TMEM131: variants seen among roughly 807,000 people sequenced by gnomAD.
TMEM131 encodes the protein transmembrane protein 131.
In TMEM131, 66 loss-of-function variants were observed where a neutral mutation model predicts 211.6. The ratio of observed to expected loss-of-function variants is 0.31; its 90% CI spans 0.26 to 0.38. The LOEUF (loss-of-function observed/expected upper bound fraction) is 0.38. Among genes scored for constraint, TMEM131 ranks in the 10% least tolerant of loss-of-function variants. The pLI is 1.00. For synonymous variants in TMEM131, 844 were observed against 841.3 expected, an observed-to-expected ratio of 1.00 and a Z score of -0.06; for missense variants, 2,036 against 2,299.3, an observed-to-expected ratio of 0.89 and a Z score of 2.34.
rs372261829 is a variant in TMEM131, at chr2:97,800,092, C to T, written c.2718+1803G>A. ...ATCACTATTTTAAAGATCTTCCATG[C>T]CCGGCCTCAGTTTCAGTTTCTAATA... On this transcript the variant is annotated intron_variant, in intron 25 of 40. Transcript: ENST00000186436. 1.3e-3 allele frequency among the ~76,000 whole-genome samples: 200 copies of T among 152,248 alleles called. 4 individuals are homozygous for T. In the South Asian group the frequency reaches 0.041, roughly 31 times the overall value.
chr2:97,913,830 C>G (rs1450385194), intron 2 of TMEM131, among the ~76,000 whole-genome samples: 1 of 152,106 alleles, frequency 6.6e-6, no homozygotes, highest in Admixed American at 6.5e-5. Flanking sequence ...CCCGTGGTAC[C>G]AGGAAGCCAC....
intron 40 of TMEM131, among the ~76,000 whole-genome samples, chr2:97,757,914 C>T (rs796179390): frequency 2.0e-5 from 3 of 152,118 alleles, no homozygotes; most frequent in South Asian, 4.1e-4. Context: ...GGGCGGATCA[C>T]GAGGTCAGGA....
rs773453242 is a variant in TMEM131 at position 97,792,417 on chromosome 2, C to G, written c.4113G>C (p.Glu1371Asp). The change falls in exon 31 of 41, where the codon GAG becomes GAC. Residue 1371 changes from glutamate (E) to aspartate (D), a missense_variant. Around this residue, in one of 3 missense-constraint regions of TMEM131, gnomAD observed 1,623 missense variants for 1,805.9 expected, o/e 0.90. Transcript: ENST00000186436. Reference sequence around the variant, plus strand: ...TTTTTGGCAATGGCGATGGAGGCTGCTCTGTAAACACTTCTAGGGCTGGGG... The same window carrying G: ...TTTTTGGCAATGGCGATGGAGGCTGGTCTGTAAACACTTCTAGGGCTGGGG... ...HDSPALEVFTEQPPSPLPKSK... is the reference protein window; with the variant it reads ...HDSPALEVFTDQPPSPLPKSK... 1 of 1,601,488 alleles carries G rather than the reference C, an allele frequency of 6.2e-7. No homozygotes were observed. Among genetic ancestry groups the G allele is most frequent in the Non-Finnish European group, 8.5e-7 (1 of 1,173,448 alleles).
intron 1 of TMEM131, among the ~76,000 whole-genome samples, chr2:97,994,093 A>G (rs527332402): frequency 2.5e-4 from 38 of 152,280 alleles, no homozygotes; most frequent in African/African-American, 9.1e-4. Flanking sequence ...CCACCCAAAA[A>G]ATGTCCATTA....
chr2:97,881,713 A>C (rs1674938269), intron 4 of TMEM131, among the ~76,000 whole-genome samples: 1 of 110,868 alleles, frequency 9.0e-6, no homozygotes, highest in Admixed American at 1.0e-4. Context: ...ACTGCAAAAA[A>C]AAAAAAAAAA....
intron 6 of TMEM131, among the ~76,000 whole-genome samples, chr2:97,843,912 C>T (rs1266105958): frequency 6.6e-6 from 1 of 151,928 alleles, no homozygotes; most frequent in East Asian, 1.9e-4. Flanking sequence ...TTTCACTATT[C>T]TTTTGTCAAT....
chr2:97,902,094 A>T lies in TMEM131; in HGVS notation c.290+6564T>A, dbSNP rs199653407. 9.3e-4 allele frequency among the ~76,000 whole-genome samples: 142 copies of T among 152,240 alleles called. 3 individuals carry two copies. In the East Asian group the frequency reaches 0.011, roughly 12 times the overall value. On this transcript the variant is annotated intron_variant, in intron 3 of 40. Transcript: ENST00000186436. ...ATGTATTATGCAATAATAAAAAAAA[A>T]TTTTAAAGTAGAGTAAAAATCCTAA...
At chr2:97,833,574 T>G in intron 10 of TMEM131, 148 bp from the exon 11 acceptor site, 1 of 557,098 alleles carries the variant, frequency 1.8e-6, no homozygotes, top group East Asian at 3.4e-5. Flanking sequence ...TAGGTGGTAA[T>G]TGCTTTACTC....
chr2:97,848,299 C>T (rs1029737709), intron 5 of TMEM131, among the ~76,000 whole-genome samples: 1 of 152,164 alleles, frequency 6.6e-6, no homozygotes, highest in African/African-American at 2.4e-5. Flanking sequence ...CATAAACAAA[C>T]AGTAGCTAAA....
At chr2:97,839,950 T>G (rs761248883) in intron 7 of TMEM131, among the ~76,000 whole-genome samples, 24 of 152,182 alleles carry the variant, frequency 1.6e-4, no homozygotes, top group Non-Finnish European at 2.8e-4. Flanking sequence ...ATTGTTAACA[T>G]TTTTTTCCTG....
chr2:97,981,066 A>AAAAAAAAAAAAAAAAC (rs1679774261), intron 1 of TMEM131, among the ~76,000 whole-genome samples: 1 of 137,532 alleles, frequency 7.3e-6, no homozygotes. Context: ...AAAAAAAAAA[A>AAAAAAAAAAAAAAAAC]AGTTTAAAAA....
chr2:97,809,853 G>T, intron 18 of TMEM131, 79 bp from the exon 19 acceptor site: 1 of 1,188,392 alleles, frequency 8.4e-7, no homozygotes, highest in Non-Finnish European at 1.2e-6. Context: ...TATATTTTGG[G>T]GTTAACCTAA....
chr2:97,882,115 C>A (rs1329294919), intron 4 of TMEM131, among the ~76,000 whole-genome samples: 1 of 152,202 alleles, frequency 6.6e-6, no homozygotes, highest in East Asian at 1.9e-4. Flanking sequence ...ATTCTTTCAA[C>A]CATATCTCTC....
At chr2:97,866,381 G>A (rs1007853116) in intron 4 of TMEM131, among the ~76,000 whole-genome samples, 1 of 152,198 alleles carries the variant, frequency 6.6e-6, no homozygotes, top group Non-Finnish European at 1.5e-5. Flanking sequence ...TGACAGTAAT[G>A]TCACCTCCTA....
intron 2 of TMEM131, among the ~76,000 whole-genome samples, chr2:97,912,897 C>A (rs574511574): frequency 1.3e-5 from 2 of 152,250 alleles, no homozygotes; most frequent in East Asian, 3.9e-4. Flanking sequence ...AATAGACCAG[C>A]CTCGGCAAAA....
chr2:97,951,376 G>C (rs1000226656), intron 1 of TMEM131, among the ~76,000 whole-genome samples: 11 of 152,150 alleles, frequency 7.2e-5, no homozygotes, highest in African/African-American at 2.7e-4. Flanking sequence ...CACATCCTCA[G>C]GCTGCACAGT....
chr2:97,857,227 C>T (rs1673884838), intron 5 of TMEM131, among the ~76,000 whole-genome samples: 1 of 152,164 alleles, frequency 6.6e-6, no homozygotes, highest in African/African-American at 2.4e-5. Flanking sequence ...TGGGAATCAG[C>T]AGAACTGCAC....
chr2:97,995,521 G>T lies in TMEM131; in HGVS notation c.142C>A (p.Leu48Met), dbSNP rs749499897. ...AAAGLLGALHLVMTLVVAAAR... is the reference protein window; with the variant it reads ...AAAGLLGALHMVMTLVVAAAR... Reference sequence around the variant, plus strand: ...GCAGCCACTACGAGGGTCATCACCAGGTGCAGCGCGCCTAGGAGGCCGGCG... The same window carrying T: ...GCAGCCACTACGAGGGTCATCACCATGTGCAGCGCGCCTAGGAGGCCGGCG... The change falls in exon 1 of 41, where the codon CTG becomes ATG. Residue 48 changes from leucine to methionine, a missense_variant. By Grantham distance (15) the Leu-to-Met change is conservative. Coordinates refer to ENST00000186436, the MANE Select transcript of TMEM131 (RefSeq NM_015348.2). 2.1e-6 allele frequency: 3 copies of T among 1,398,388 alleles called. No homozygotes were observed. The highest frequency in any genetic ancestry group is 9.3e-7 in the Non-Finnish European group (1 of 1,070,288). 86.6% of individuals were successfully genotyped at this position (1,398,388 alleles called of 1,614,324 possible). A position where few individuals can be genotyped will look rare whatever the true frequency, so the allele number is the denominator to read the frequency against.
chr2:97,914,722 T>A (rs1465319258), intron 2 of TMEM131, among the ~76,000 whole-genome samples: 4 of 152,262 alleles, frequency 2.6e-5, no homozygotes, highest in Non-Finnish European at 4.4e-5. Context: ...TATTCCTTTT[T>A]ATTGCTGAGT....
Sources: gnomAD v4.1 joint callset for allele counts (sites outside exome capture counted in the v4.1 genomes callset) on GRCh38, gnomAD v4.1.1 for gene constraint, gnomAD v4.1.1 regional missense constraint, MANE v1.5 for transcripts, NCBI Gene and HGNC (gene_info 2026-07-23, HGNC 2026-07-21) for gene names.